The following SPHKAP variants were observed in gnomAD, a reference collection of about 807,000 sequenced individuals.
The protein encoded by SPHKAP is SPHK1 interactor, AKAP domain containing, also known as A-kinase anchor protein SPHKAP.
A neutral mutation model predicts 137.5 loss-of-function variants in SPHKAP; 67 were observed. That is an observed-to-expected ratio of 0.49 (90% CI 0.40 to 0.60). SPHKAP has a LOEUF of 0.60. Among genes scored for constraint, SPHKAP ranks in the 20% least tolerant of loss-of-function variants. SPHKAP has a pLI of 0.00. For synonymous variants in SPHKAP, 813 were observed against 785.3 expected (o/e 1.04, Z -0.59); for missense variants, 2,097 against 2,069.3 (o/e 1.01, Z -0.26).
chr2:228,175,722 A>C (rs972298063), intron 1 of SPHKAP, among the ~76,000 whole-genome samples: 1 of 152,182 alleles, frequency 6.6e-6, no homozygotes, highest in African/African-American at 2.4e-5. Context: ...CACATCAATT[A>C]AAAAAAGAGA....
At chr2:228,128,171 G>C (rs999098781) in intron 2 of SPHKAP, among the ~76,000 whole-genome samples, 1 of 152,176 alleles carries the variant, frequency 6.6e-6, no homozygotes, top group African/African-American at 2.4e-5. Flanking sequence ...CTATTCAATA[G>C]CATTTCACCC....
intron 3 of SPHKAP, among the ~76,000 whole-genome samples, chr2:228,098,915 T>C (rs1468225620): frequency 6.6e-6 from 1 of 152,212 alleles, no homozygotes; most frequent in Non-Finnish European, 1.5e-5. Flanking sequence ...AAGTTCCTTA[T>C]AGATTCTGAA....
chr2:228,037,224 T>C (rs1438682531), intron 3 of SPHKAP, among the ~76,000 whole-genome samples: 4 of 152,112 alleles, frequency 2.6e-5, no homozygotes, highest in African/African-American at 9.7e-5. Context: ...AAAAAATGCA[T>C]CATGCATTTC....
chr2:228,025,550 T>G, intron 4 of SPHKAP, 22 bp from the exon 5 acceptor site: 1 of 1,612,458 alleles, frequency 6.2e-7, no homozygotes, highest in Non-Finnish European at 8.5e-7. Flanking sequence ...GAATCTTTAT[T>G]AGTTTAGCTG....
chr2:228,087,567 T>C (rs989975376), intron 3 of SPHKAP, among the ~76,000 whole-genome samples: 18 of 152,148 alleles, frequency 1.2e-4, no homozygotes, highest in African/African-American at 4.1e-4. Flanking sequence ...ATGAGGGCGA[T>C]GTTTCATCAG....
chr2:228,148,285 A>C (rs1699836218), intron 1 of SPHKAP, among the ~76,000 whole-genome samples: 2 of 152,200 alleles, frequency 1.3e-5, no homozygotes. Flanking sequence ...CTAGGTTTCC[A>C]TGCAAGTAGA....
rs1321779130 is a variant in SPHKAP, at chr2:228,119,826, T to C, written c.139-10887A>G. 5.3e-5 allele frequency among the ~76,000 whole-genome samples: 8 copies of C among 152,278 alleles called. 1 individual carries two copies. The South Asian group carries it at 1.7e-3, about 32-fold the overall frequency. On this transcript the variant is annotated intron_variant, in intron 2 of 11. Transcript: ENST00000392056. ...AACATTTTTCTCTTAATGATGATTT[T>C]ATTGGATGACTGCCTGAGTCCTTGT...
intron 1 of SPHKAP, among the ~76,000 whole-genome samples, chr2:228,154,512 C>CTCTCTCTCTATATATATATATA (rs1393941364): frequency 1.8e-4 from 4 of 22,066 alleles, no homozygotes; most frequent in Admixed American, 1.1e-3. Context: ...CTCTCTCTCT[C>CTCTCTCTCTATATATATATATA]TATATATATA....
intron 3 of SPHKAP, among the ~76,000 whole-genome samples, chr2:228,066,853 A>G (rs1696841704): frequency 6.6e-6 from 1 of 152,210 alleles, no homozygotes; most frequent in South Asian, 2.1e-4. Flanking sequence ...TTTAGCATTC[A>G]TTTAAACTAA....
intron 3 of SPHKAP, among the ~76,000 whole-genome samples, chr2:228,042,468 A>G (rs1040601340): frequency 1.3e-5 from 2 of 152,180 alleles, no homozygotes; most frequent in Non-Finnish European, 2.9e-5. Flanking sequence ...CATCATTTCT[A>G]AAAGAAGCTA....
chr2:228,116,545 A>T (rs909213213), intron 2 of SPHKAP, among the ~76,000 whole-genome samples: 3 of 152,196 alleles, frequency 2.0e-5, no homozygotes, highest in Non-Finnish European at 4.4e-5. Context: ...TACTAATGTT[A>T]TATAATTCTC....
intron 2 of SPHKAP, among the ~76,000 whole-genome samples, chr2:228,116,462 A>G (rs923497969): frequency 4.2e-4 from 64 of 152,206 alleles, no homozygotes; most frequent in Non-Finnish European, 7.8e-4. Context: ...AGACATTAGA[A>G]ATAATGAATG....
rs750450631 is a variant in SPHKAP, at chr2:228,019,443, G to T, written c.1411C>A (p.Pro471Thr). 6.2e-7 allele frequency: 1 copy of T among 1,614,170 alleles called. No individual in the cohort carries two copies. The highest frequency in any genetic ancestry group is 1.1e-5 in the South Asian group (1 of 91,076). Residue 471 changes from proline to threonine, a missense_variant, in exon 7 of 12, where the codon CCT becomes ACT. By Grantham distance (38) the Pro-to-Thr change is conservative. Transcript: ENST00000392056. ...GTTTCAACAGAGACTTCCATCTCAG[G>T]CCAGGAGGAGATGCCTGGCTGTGGG... ...AAPQPGISSWPEMEVSVETSS... is the reference protein window; with the variant it reads ...AAPQPGISSWTEMEVSVETSS...
chr2:228,062,281 C>T (rs2106288656), intron 3 of SPHKAP, among the ~76,000 whole-genome samples: 1 of 151,888 alleles, frequency 6.6e-6, no homozygotes, highest in Admixed American at 6.6e-5. Flanking sequence ...GGTGCCACCA[C>T]ACTTGGCTAA....
Position 228,181,374 on chromosome 2 carries a change from T to TG in SPHKAP, c.32+192dup, listed in dbSNP as rs1700907076. ...AGGCCCCACTCAGCATCGCGCCCTG[T>TG]GGGGCAGTTGACAGGGTCCCCTGTA... On this transcript the variant is annotated intron_variant, in intron 1 of 11. Transcript: ENST00000392056. The surrounding 1 kb of genome is among the most constrained non-coding windows in gnomAD (Gnocchi z 4.3). Among the ~76,000 whole-genome samples the TG allele has an allele frequency of 2.0e-5, 3 of 152,204 alleles. No individual in the cohort carries two copies. In the South Asian group the frequency reaches 6.2e-4, roughly 32 times the overall value.
intron 3 of SPHKAP, among the ~76,000 whole-genome samples, chr2:228,054,046 T>C (rs966052579): frequency 6.6e-6 from 1 of 152,214 alleles, no homozygotes; most frequent in African/African-American, 2.4e-5. Context: ...AATACATTTT[T>C]CCTCATTTAT....
At chr2:228,115,916 T>A (rs749076807) in intron 2 of SPHKAP, among the ~76,000 whole-genome samples, 5 of 152,126 alleles carry the variant, frequency 3.3e-5, no homozygotes, top group Non-Finnish European at 5.9e-5. Flanking sequence ...TTAAAAGGGC[T>A]CTGCCCTCAT....
chr2:228,107,028 C>A (rs1458507932), intron 3 of SPHKAP, among the ~76,000 whole-genome samples: 1 of 151,886 alleles, frequency 6.6e-6, no homozygotes, highest in Non-Finnish European at 1.5e-5. Flanking sequence ...TCTGGAATGG[C>A]TAAATTGAAC....
intron 1 of SPHKAP, among the ~76,000 whole-genome samples, chr2:228,151,875 A>G (rs1481910789): frequency 6.6e-6 from 1 of 152,138 alleles, no homozygotes; most frequent in Admixed American, 6.5e-5. Flanking sequence ...TTTTAAGACT[A>G]TATGCGTTTC....
Sources: gnomAD v4.1 joint callset for allele counts (sites outside exome capture counted in the v4.1 genomes callset) on GRCh38, gnomAD v4.1.1 for gene constraint, Gnocchi (gnomAD v3.1) non-coding constraint, MANE v1.5 for transcripts, NCBI Gene and HGNC (gene_info 2026-07-23, HGNC 2026-07-21) for gene names.